GRID1: variants seen among roughly 807,000 people sequenced by gnomAD.
The protein encoded by GRID1 is glutamate ionotropic receptor delta type subunit 1, also known as glutamate receptor ionotropic, delta-1.
In GRID1, 28 loss-of-function variants were observed where a neutral mutation model predicts 98.0. That is an observed-to-expected ratio of 0.29 (90% CI 0.21 to 0.39). GRID1 has a LOEUF of 0.39. GRID1 is among the 10% of genes least tolerant of loss of function. The probability of loss-of-function intolerance (pLI) is 1.00; values close to 1 mark genes in which losing one functional copy is unlikely to be tolerated. For synonymous variants in GRID1, 553 were observed against 538.5 expected (o/e 1.03, Z -0.37); for missense variants, 1,111 against 1,340.5 (o/e 0.83, Z 2.67).
intron 5 of GRID1, among the ~76,000 whole-genome samples, chr10:85,885,090 T>G (rs902907091): frequency 1.3e-5 from 2 of 152,244 alleles, no homozygotes; most frequent in African/African-American, 4.8e-5. Flanking sequence ...TCTAATTCTC[T>G]ACTGAGAATG....
At chr10:86,222,584 G>T (rs964255015) in intron 2 of GRID1, among the ~76,000 whole-genome samples, 10 of 152,256 alleles carry the variant, frequency 6.6e-5, no homozygotes, top group African/African-American at 2.4e-4. Flanking sequence ...AAAAATGGAG[G>T]GGCCTCTGAA....
chr10:85,667,647 C>A (rs536039508), intron 12 of GRID1, among the ~76,000 whole-genome samples: 1 of 152,312 alleles, frequency 6.6e-6, no homozygotes, highest in African/African-American at 2.4e-5. Context: ...CGTGCTCCTG[C>A]ACTTTAAGTT....
At chr10:85,946,603 G>A (rs576700977) in intron 4 of GRID1, among the ~76,000 whole-genome samples, 5 of 152,210 alleles carry the variant, frequency 3.3e-5, no homozygotes, top group Non-Finnish European at 7.3e-5. Flanking sequence ...TGAGAGACTT[G>A]AGTAACAGAG....
chr10:85,733,448 A>G (rs750667512), intron 8 of GRID1, among the ~76,000 whole-genome samples: 1 of 152,234 alleles, frequency 6.6e-6, no homozygotes, highest in Non-Finnish European at 1.5e-5. Context: ...GTGTGAACTT[A>G]GCAGATGTTC....
chr10:85,643,088 T>TA (rs1843143325), intron 13 of GRID1, among the ~76,000 whole-genome samples: 1 of 152,008 alleles, frequency 6.6e-6, no homozygotes, highest in Non-Finnish European at 1.5e-5. Flanking sequence ...AAGGAGAAAA[T>TA]AACAGCATAC....
At position 86,271,381 on chromosome 10, in the gene GRID1, TG is replaced by T. The variant is rs555155858; in HGVS notation, c.236-64734del. On this transcript the variant is annotated intron_variant, in intron 2 of 15. Transcript: ENST00000327946. ...ATGCAAAAATATCCATCACAATGTC[TG>T]GAATCCAATCAAAACTGATTAGGTA... Among the ~76,000 whole-genome samples the T allele has an allele frequency of 2.4e-3, 364 of 152,248 alleles. 1 individual carries two copies. The highest frequency in any genetic ancestry group is 3.8e-3 in the Non-Finnish European group (258 of 68,034).
At chr10:85,844,933 A>G (rs1842992817) in intron 8 of GRID1, among the ~76,000 whole-genome samples, 1 of 152,028 alleles carries the variant, frequency 6.6e-6, no homozygotes, top group African/African-American at 2.4e-5. Flanking sequence ...TAGGAATTCA[A>G]GGGAATTGTC....
rs1252542224 is a variant in GRID1, at chr10:86,138,001, G to A, written c.726+818C>T. 3.3e-5 allele frequency among the ~76,000 whole-genome samples: 5 copies of A among 152,066 alleles called. No individual in the cohort carries two copies. The East Asian group carries it at 7.7e-4, about 23-fold the overall frequency. On this transcript the variant is annotated intron_variant, in intron 4 of 15. Coordinates refer to ENST00000327946, the MANE Select transcript of GRID1 (RefSeq NM_017551.3). ...CCAACAAGGTGACTGGGGTTGTCTG[G>A]AGAATCTGCAGGGAGCCCTTGGCCA...
intron 15 of GRID1, among the ~76,000 whole-genome samples, chr10:85,603,789 C>A (rs1485610696): frequency 6.6e-6 from 1 of 152,126 alleles, no homozygotes. Flanking sequence ...ACCTCAAACT[C>A]CTAGAGAAAT....
At chr10:86,042,383 G>A (rs1370453700) in intron 4 of GRID1, among the ~76,000 whole-genome samples, 2 of 152,328 alleles carry the variant, frequency 1.3e-5, no homozygotes, top group East Asian at 3.9e-4. Context: ...GGAAGCCTCT[G>A]GGTGCACAGT....
At chr10:85,838,455 C>T (rs1350576797) in intron 8 of GRID1, among the ~76,000 whole-genome samples, 1 of 152,172 alleles carries the variant, frequency 6.6e-6, no homozygotes, top group African/African-American at 2.4e-5. Flanking sequence ...AAACTAACTA[C>T]AGACCTCTCA....
At position 86,103,811 on chromosome 10, in the gene GRID1, C is replaced by T. The variant is rs539977739; in HGVS notation, c.726+35008G>A. Among the ~76,000 whole-genome samples, 278 of 151,962 alleles carry T rather than the reference C, an allele frequency of 1.8e-3. 1 individual carries two copies. The highest frequency in any genetic ancestry group is 6.8e-3 in the Middle Eastern group (2 of 294). Reference sequence around the variant, plus strand: ...CACCTCCCCTGGCCCAACCATGTCACGAGAGAGAGAGAGAATCATTACTAA... The same window carrying T: ...CACCTCCCCTGGCCCAACCATGTCATGAGAGAGAGAGAGAATCATTACTAA... On this transcript the variant is annotated intron_variant, in intron 4 of 15. Transcript: ENST00000327946.
At chr10:85,681,450 G>T (rs1564557867) in intron 12 of GRID1, among the ~76,000 whole-genome samples, 1 of 152,170 alleles carries the variant, frequency 6.6e-6, no homozygotes, top group Non-Finnish European at 1.5e-5. Context: ...GTTGCCCAAA[G>T]TTTATTAATT....
At chr10:85,749,154 A>G (rs1172815807) in intron 8 of GRID1, among the ~76,000 whole-genome samples, 4 of 152,140 alleles carry the variant, frequency 2.6e-5, no homozygotes, top group South Asian at 2.1e-4. Flanking sequence ...TCAAATATCA[A>G]TATGTTCTTC....
chr10:86,244,504 C>T lies in GRID1; in HGVS notation c.236-37856G>A, dbSNP rs975805812. Among the ~76,000 whole-genome samples the T allele has an allele frequency of 2.0e-5, 3 of 152,380 alleles. No individual in the cohort carries two copies. In the East Asian group the frequency reaches 5.8e-4, roughly 29 times the overall value. On this transcript the variant is annotated intron_variant, in intron 2 of 15. Coordinates refer to ENST00000327946, the MANE Select transcript of GRID1 (RefSeq NM_017551.3). ...GATCTAGAAATCGGATTCGATGCAG[C>T]TTAAAGCCTGCTCAGACACCGCACC...
At chr10:85,664,315 C>G (rs1328277893) in intron 12 of GRID1, among the ~76,000 whole-genome samples, 2 of 151,976 alleles carry the variant, frequency 1.3e-5, no homozygotes, top group Non-Finnish European at 2.9e-5. Flanking sequence ...AATGAGGAAC[C>G]CAGGCATATG....
intron 8 of GRID1, among the ~76,000 whole-genome samples, chr10:85,806,591 T>C (rs1171603185): frequency 6.6e-6 from 1 of 150,520 alleles, no homozygotes; most frequent in Non-Finnish European, 1.5e-5. Context: ...AATATTCATA[T>C]AATGAAATGC....
chr10:86,286,055 T>C (rs186587911), intron 2 of GRID1, among the ~76,000 whole-genome samples: 3 of 152,154 alleles, frequency 2.0e-5, no homozygotes, highest in African/African-American at 7.2e-5. Context: ...GGGATAGGGA[T>C]AGGGATGGGG....
intron 4 of GRID1, among the ~76,000 whole-genome samples, chr10:86,026,548 A>C (rs976632239): frequency 6.6e-6 from 1 of 152,168 alleles, no homozygotes; most frequent in Non-Finnish European, 1.5e-5. Context: ...TGTCAAAGAG[A>C]AAGCCATTCC....
Sources: allele counts gnomAD v4.1 joint callset (sites outside exome capture counted in the v4.1 genomes callset), GRCh38; gene constraint gnomAD v4.1.1; transcripts MANE v1.5; gene names NCBI Gene and HGNC (gene_info 2026-07-23, HGNC 2026-07-21).